AMMECR1L: variants seen among roughly 807,000 people sequenced by gnomAD.
AMMECR1L encodes the protein AMMECR1-like protein.
AMMECR1L carries 4 observed loss-of-function variants against 36.8 expected under a neutral mutation model. The ratio of observed to expected loss-of-function variants is 0.11; its 90% CI spans 0.05 to 0.25. AMMECR1L has a LOEUF of 0.25. Among genes scored for constraint, AMMECR1L ranks in the 10% least tolerant of loss-of-function variants. The probability of loss-of-function intolerance (pLI) is 1.00; values close to 1 mark genes in which losing one functional copy is unlikely to be tolerated. For missense variants in AMMECR1L, 232 were observed against 392.1 expected (o/e 0.59, Z 3.45); for synonymous variants, 147 against 148.0 (o/e 0.99, Z 0.05).
At position 127,871,194 on chromosome 2, in the gene AMMECR1L, G is replaced by C; in HGVS notation, c.518+55C>G. ...CACTTAGAAGAAATAAAGTCAGGCA[G>C]CTATTTCTGATTCTAGCCAATTTAT... On this transcript the variant is annotated intron_variant, in intron 4 of 7. Coordinates refer to ENST00000272647, the MANE Select transcript of AMMECR1L (RefSeq NM_001199140.2). This position sits in a 1 kb window ranked among gnomAD's most constrained non-coding sequence, Gnocchi z 4.3. 1.3e-6 allele frequency: 2 copies of C among 1,550,706 alleles called. No homozygotes were observed. Among genetic ancestry groups the C allele is most frequent in the Admixed American group, 1.7e-5 (1 of 59,290 alleles).
chr2:127,875,127 C>T (rs1433497666), intron 2 of AMMECR1L, among the ~76,000 whole-genome samples: 1 of 152,148 alleles, frequency 6.6e-6, no homozygotes, highest in African/African-American at 2.4e-5. Flanking sequence ...AGCCTCCTCC[C>T]AGCTGATGAT....
At chr2:127,885,310 A>G in intron 1 of AMMECR1L, 3 of 984,802 alleles carry the variant, frequency 3.0e-6, no homozygotes. Context: ...GGGTATGAGG[A>G]AAGAGGGTCC....
intron 2 of AMMECR1L, among the ~76,000 whole-genome samples, chr2:127,879,320 C>T (rs1050052167): frequency 5.9e-5 from 9 of 152,134 alleles, no homozygotes; most frequent in African/African-American, 1.7e-4. Flanking sequence ...TGACAGTGAG[C>T]GCCTTCTCTC....
Position 127,864,087 on chromosome 2 carries a change from T to C in AMMECR1L, c.*1007A>G, listed in dbSNP as rs1690580179. The C allele has an allele frequency of 6.5e-6, 1 of 152,732 alleles. No individual in the cohort carries two copies. Among genetic ancestry groups the C allele is most frequent in the African/African-American group, 2.4e-5 (1 of 41,450 alleles). 9.5% of individuals were successfully genotyped at this position (152,732 alleles called of 1,614,324 possible). A position where few individuals can be genotyped will look rare whatever the true frequency, so the allele number is the denominator to read the frequency against. The stretch of plus-strand genomic sequence containing the variant: ...AACTAGAAAAAGGAGCTCCCCTGCT[T>C]ACAGGCCCCTCAGGATGTCACCTGA... On this transcript the variant is annotated 3_prime_UTR_variant, in exon 8 of 8. Transcript: ENST00000272647.
intron 6 of AMMECR1L, chr2:127,867,347 G>T: frequency 1.0e-6 from 1 of 972,300 alleles, no homozygotes; most frequent in Non-Finnish European, 1.2e-6. Flanking sequence ...AGGCTGCTCT[G>T]TGGGAAGAGA....
At chr2:127,882,098 C>CA (rs1421526132) in intron 2 of AMMECR1L, among the ~76,000 whole-genome samples, 2 of 152,074 alleles carry the variant, frequency 1.3e-5, no homozygotes, top group Non-Finnish European at 2.9e-5. Flanking sequence ...AAACTGTTGT[C>CA]AAAGTAGTTA....
chr2:127,882,946 C>T (rs1691578338), intron 2 of AMMECR1L, among the ~76,000 whole-genome samples: 1 of 145,450 alleles, frequency 6.9e-6, no homozygotes, highest in Non-Finnish European at 1.5e-5. Flanking sequence ...TCTTGCTATG[C>T]TGCCCAGGCT....
At chr2:127,876,783 C>T (rs536867951) in intron 2 of AMMECR1L, among the ~76,000 whole-genome samples, 17 of 152,118 alleles carry the variant, frequency 1.1e-4, no homozygotes, top group African/African-American at 3.6e-4. Context: ...TTTGGGAGGC[C>T]GAGGTGGGCG....
intron 2 of AMMECR1L, among the ~76,000 whole-genome samples, chr2:127,878,424 A>G (rs921807591): frequency 1.3e-5 from 2 of 152,214 alleles, no homozygotes; most frequent in Non-Finnish European, 2.9e-5. Context: ...AAGGGAAAGA[A>G]TAAAATGCAA....
intron 2 of AMMECR1L, among the ~76,000 whole-genome samples, chr2:127,878,413 G>A (rs7566163): frequency 0.5 from 75,306 of 151,950 alleles, 19,875 homozygotes; most frequent in African/African-American, 0.68. Flanking sequence ...TCAAAGAATC[G>A]AAGGGAAAGA....
At chr2:127,870,454 A>C (rs1690912468) in intron 5 of AMMECR1L, among the ~76,000 whole-genome samples, 1 of 152,080 alleles carries the variant, frequency 6.6e-6, no homozygotes, top group Non-Finnish European at 1.5e-5. Context: ...CAGCCTGGGG[A>C]ACAAGAACGA....
chr2:127,878,026 T>C (rs561311681), intron 2 of AMMECR1L, among the ~76,000 whole-genome samples: 33 of 152,190 alleles, frequency 2.2e-4, no homozygotes, highest in African/African-American at 7.2e-4. Context: ...ACCACTGCAC[T>C]CCAGCCTGGG....
chr2:127,883,108 T>C (rs1056959267), intron 2 of AMMECR1L, among the ~76,000 whole-genome samples: 3 of 151,040 alleles, frequency 2.0e-5, no homozygotes, highest in Non-Finnish European at 4.4e-5. Context: ...CTTTTCTTTT[T>C]TTTTTTTTAG....
rs1019225486 is a variant in AMMECR1L at position 127,865,307 on chromosome 2, A to T, written c.822-102T>A. 3 of 648,970 alleles carry T rather than the reference A, an allele frequency of 4.6e-6. No homozygotes were observed. The highest frequency in any genetic ancestry group is 7.6e-6 in the Non-Finnish European group (3 of 397,332). The allele number at this position is 648,970 out of a possible 1,614,324, so 40.2% of individuals were successfully genotyped here. On this transcript the variant is annotated intron_variant, in intron 7 of 7. Transcript: ENST00000272647. The surrounding 1 kb of genome is among the most constrained non-coding windows in gnomAD (Gnocchi z 5.4). ...AAAAGCTTATTCCACATTTTGAAAG[A>T]ATAAAATGGAAGACCAAGAGCAATC...
At chr2:127,885,610 A>C (rs1466578982) in intron 1 of AMMECR1L, 200 bp downstream of exon 1, 2 of 971,768 alleles carry the variant, frequency 2.1e-6, no homozygotes, top group Non-Finnish European at 2.4e-6. Context: ...CTCCGCTGGG[A>C]CATGGCCTGA....
intron 5 of AMMECR1L, among the ~76,000 whole-genome samples, chr2:127,870,049 G>C (rs1427964603): frequency 6.6e-6 from 1 of 152,228 alleles, no homozygotes; most frequent in Non-Finnish European, 1.5e-5. Flanking sequence ...GGGCATGGTG[G>C]CTCACGCCTA....
chr2:127,866,790 T>C lies in AMMECR1L; in HGVS notation c.821+110A>G. 8 of 1,076,744 alleles carry C rather than the reference T, an allele frequency of 7.4e-6. 1 individual carries two copies. Among genetic ancestry groups the C allele is most frequent in the Non-Finnish European group, 1.4e-6 (1 of 723,726 alleles). 66.7% of individuals were successfully genotyped at this position (1,076,744 alleles called of 1,614,324 possible). A position where few individuals can be genotyped will look rare whatever the true frequency, so the allele number is the denominator to read the frequency against. Reference sequence around the variant, plus strand: ...AAAATGTGAACTTCACCCACACTTCTTTGATTTAGGGACATTCACAGAGAA... The same window carrying C: ...AAAATGTGAACTTCACCCACACTTCCTTGATTTAGGGACATTCACAGAGAA... On this transcript the variant is annotated intron_variant, in intron 7 of 7. Transcript: ENST00000272647.
rs75974822 is a variant in AMMECR1L, at chr2:127,872,004, C to G, written c.408-645G>C. Among the ~76,000 whole-genome samples, 86 of 152,088 alleles carry G rather than the reference C, an allele frequency of 5.7e-4. 2 individuals are homozygous for G. The highest frequency in any genetic ancestry group is 2.0e-3 in the African/African-American group (82 of 41,526). On this transcript the variant is annotated intron_variant, in intron 3 of 7. Transcript: ENST00000272647. ...AGGAGTTCTAGACCAGCCTGGTCAT[C>G]ATGGCGAAACCCCGCCTCTACTAGA...
intron 6 of AMMECR1L, among the ~76,000 whole-genome samples, chr2:127,868,396 G>C (rs183772672): frequency 8.5e-5 from 13 of 152,194 alleles, no homozygotes; most frequent in Admixed American, 8.5e-4. Context: ...TGGCTAAAAG[G>C]TTTGCTATTA....
Sources: gnomAD v4.1 joint callset for allele counts (sites outside exome capture counted in the v4.1 genomes callset) on GRCh38, gnomAD v4.1.1 for gene constraint, Gnocchi (gnomAD v3.1) non-coding constraint, MANE v1.5 for transcripts, NCBI Gene and HGNC (gene_info 2026-07-23, HGNC 2026-07-21) for gene names.